The following ADAM22 variants were observed in gnomAD, a reference collection of about 807,000 sequenced individuals.
ADAM22 encodes ADAM metallopeptidase domain 22, also known as disintegrin and metalloproteinase domain-containing protein 22.
Under a neutral mutation model 144.6 loss-of-function variants are expected in ADAM22, and 65 were observed. That is an observed-to-expected ratio of 0.45 (90% CI 0.37 to 0.55). ADAM22 has a LOEUF of 0.55. ADAM22 is among the 20% of genes least tolerant of loss of function. The pLI is 0.00. For synonymous variants in ADAM22, 391 were observed against 412.6 expected, an observed-to-expected ratio of 0.95 and a Z score of 0.63; for missense variants, 974 against 1,184.9, an observed-to-expected ratio of 0.82 and a Z score of 2.61.
intron 26 of ADAM22, among the ~76,000 whole-genome samples, chr7:88,174,795 C>T (rs1845232178): frequency 6.6e-6 from 1 of 152,030 alleles, no homozygotes; most frequent in Admixed American, 6.6e-5. Context: ...ATGCCCTCCC[C>T]TTCCCCATTT....
At chr7:87,956,655 A>G (rs1846845225) in intron 2 of ADAM22, among the ~76,000 whole-genome samples, 1 of 152,204 alleles carries the variant, frequency 6.6e-6, no homozygotes, top group Admixed American at 6.5e-5. Context: ...CTGTCTCTAC[A>G]GATTTACTTA....
intron 3 of ADAM22, among the ~76,000 whole-genome samples, chr7:87,998,202 C>G (rs185235872): frequency 6.6e-6 from 1 of 152,168 alleles, no homozygotes; most frequent in Non-Finnish European, 1.5e-5. Context: ...TGGTGCCCAC[C>G]CAGATTGAGG....
chr7:88,063,583 T>G (rs1370131205), intron 3 of ADAM22, among the ~76,000 whole-genome samples: 21 of 152,146 alleles, frequency 1.4e-4, no homozygotes. Flanking sequence ...TTTCATAACT[T>G]AAGGACAGGA....
At chr7:88,192,867 G>A (rs1487417672) in intron 30 of ADAM22, among the ~76,000 whole-genome samples, 2 of 152,070 alleles carry the variant, frequency 1.3e-5, no homozygotes, top group African/African-American at 4.8e-5. Flanking sequence ...CATTTTTAGT[G>A]GCTTGTAGTT....
Position 88,151,134 on chromosome 7 carries a change from A to G in ADAM22, c.1617+103A>G, listed in dbSNP as rs76625006. ...AGATCAATTTAAATGTTTGTAATCA[A>G]TTCTGAAGATAAAAGGCCTCTCTAC... On this transcript the variant is annotated intron_variant, in intron 19 of 31. Transcript: ENST00000413139. 916 of 1,520,592 alleles carry G rather than the reference A, an allele frequency of 6.0e-4. 3 individuals are homozygous for G. The African/African-American group carries it at 0.012, about 19-fold the overall frequency. 94.2% of individuals were successfully genotyped at this position (1,520,592 alleles called of 1,614,324 possible).
At chr7:88,143,189 A>G (rs1835308626) in intron 15 of ADAM22, 64 bp downstream of exon 15, 3 of 1,161,094 alleles carry the variant, frequency 2.6e-6, no homozygotes, top group Non-Finnish European at 3.8e-6. Flanking sequence ...TATTACAAAT[A>G]CACATTTTCA....
At chr7:88,065,769 T>A (rs1811075004) in intron 3 of ADAM22, among the ~76,000 whole-genome samples, 1 of 152,114 alleles carries the variant, frequency 6.6e-6, no homozygotes, top group Non-Finnish European at 1.5e-5. Context: ...GTATGGAAGA[T>A]CTTTACAGCT....
intron 3 of ADAM22, among the ~76,000 whole-genome samples, chr7:88,045,024 C>T: frequency 6.6e-6 from 1 of 151,668 alleles, no homozygotes. Context: ...TGCACCCGGC[C>T]TTTTTTTCTT....
At chr7:88,074,430 A>G (rs928881291) in intron 3 of ADAM22, among the ~76,000 whole-genome samples, 1 of 152,218 alleles carries the variant, frequency 6.6e-6, no homozygotes, top group Non-Finnish European at 1.5e-5. Flanking sequence ...GTTTGCCTAT[A>G]TTTTATAAAC....
intron 3 of ADAM22, among the ~76,000 whole-genome samples, chr7:88,043,296 T>C (rs1249071482): frequency 6.6e-6 from 1 of 151,930 alleles, no homozygotes; most frequent in Admixed American, 6.6e-5. Flanking sequence ...CCATCCTGGC[T>C]AACACGATGA....
chr7:88,141,770 A>C (rs1834764424), intron 14 of ADAM22, among the ~76,000 whole-genome samples: 1 of 152,148 alleles, frequency 6.6e-6, no homozygotes, highest in South Asian at 2.1e-4. Context: ...GTTTAGTTAT[A>C]TATATATCAC....
chr7:87,938,310 C>G (rs559992100), intron 2 of ADAM22, among the ~76,000 whole-genome samples: 16 of 146,850 alleles, frequency 1.1e-4, no homozygotes, highest in African/African-American at 4.1e-4. Context: ...CCTCCACCTC[C>G]TGGGTTCAAG....
intron 26 of ADAM22, among the ~76,000 whole-genome samples, chr7:88,172,878 G>A (rs1844699941): frequency 6.6e-6 from 1 of 151,960 alleles, no homozygotes; most frequent in Admixed American, 6.6e-5. Flanking sequence ...GTTGGGTAGA[G>A]GTTGATTGAT....
At chr7:87,964,378 G>A (rs1454713059) in intron 2 of ADAM22, among the ~76,000 whole-genome samples, 1 of 152,032 alleles carries the variant, frequency 6.6e-6, no homozygotes, top group African/African-American at 2.4e-5. Context: ...ATGATTTGGA[G>A]TCAGTGTATT....
At chr7:88,076,786 A>G (rs1162299978) in intron 4 of ADAM22, among the ~76,000 whole-genome samples, 1 of 152,238 alleles carries the variant, frequency 6.6e-6, no homozygotes, top group Non-Finnish European at 1.5e-5. Flanking sequence ...AGTGTTTAGT[A>G]TAGTGACTTT....
chr7:88,044,871 C>G (rs1194325448), intron 3 of ADAM22, among the ~76,000 whole-genome samples: 4 of 151,160 alleles, frequency 2.6e-5, no homozygotes, highest in African/African-American at 9.7e-5. Context: ...GATTGAGGCA[C>G]CTGCCACCAC....
intron 3 of ADAM22, among the ~76,000 whole-genome samples, chr7:88,059,492 T>C (rs561682041): frequency 1.3e-5 from 2 of 152,200 alleles, no homozygotes; most frequent in East Asian, 3.9e-4. Context: ...ACAGCAAATA[T>C]CACAATAAAG....
In ADAM22 at chr7:87,935,067, C is replaced by A; in HGVS notation, c.127C>A (p.Arg43Ser). 1.2e-6 allele frequency: 2 copies of A among 1,614,150 alleles called. No individual in the cohort carries two copies. Among genetic ancestry groups the A allele is most frequent in the South Asian group, 1.1e-5 (1 of 91,084 alleles). Reference sequence around the variant, plus strand: ...GGAGCTAGAGAAGAGGAAGGAAAACCGCTTCGTGGAGCGCCAGAGCATCGT... The same window carrying A: ...GGAGCTAGAGAAGAGGAAGGAAAACAGCTTCGTGGAGCGCCAGAGCATCGT... ...LMELEKRKENRFVERQSIVPL... is the reference protein window; with the variant it reads ...LMELEKRKENSFVERQSIVPL... The change falls in exon 2 of 32, where the codon CGC becomes AGC. Residue 43 changes from arginine to serine, a missense_variant. Around this residue, in one of 2 missense-constraint regions of ADAM22, gnomAD observed 240 missense variants for 234.3 expected, o/e 1.02. Coordinates refer to ENST00000413139, the MANE Select transcript of ADAM22 (RefSeq NM_001324418.2).
At chr7:87,998,733 C>T (rs149038549) in intron 3 of ADAM22, among the ~76,000 whole-genome samples, 87 of 152,228 alleles carry the variant, frequency 5.7e-4, no homozygotes, top group African/African-American at 2.1e-3. Context: ...ACCCCTGATT[C>T]CATCTGCAAA....
Sources: gnomAD v4.1 joint callset for allele counts (sites outside exome capture counted in the v4.1 genomes callset) on GRCh38, gnomAD v4.1.1 for gene constraint, gnomAD v4.1.1 regional missense constraint, MANE v1.5 for transcripts, NCBI Gene and HGNC (gene_info 2026-07-23, HGNC 2026-07-21) for gene names.